TBC1D19: variants seen among roughly 807,000 people sequenced by gnomAD.
TBC1D19 encodes the protein TBC1 domain family member 19, also known as TBC1 domain family, member 19.
A neutral mutation model predicts 89.0 loss-of-function variants in TBC1D19; 60 were observed. That is an observed-to-expected ratio of 0.67 (90% confidence interval 0.55 to 0.84). TBC1D19 has a LOEUF of 0.84. Among genes scored for constraint, TBC1D19 ranks in the 40% least tolerant of loss-of-function variants. The pLI is 0.00. For missense variants in TBC1D19, 500 were observed against 610.8 expected (o/e 0.82, Z 1.91); for synonymous variants, 189 against 199.7 (o/e 0.95, Z 0.45).
At chr4:26,619,602 G>A (rs2110030424) in intron 3 of TBC1D19, among the ~76,000 whole-genome samples, 1 of 152,292 alleles carries the variant, frequency 6.6e-6, no homozygotes, top group Middle Eastern at 3.4e-3. Flanking sequence ...TTTTTAAACT[G>A]TCTTACATAT....
At chr4:26,611,543 A>AGT (rs1420869936) in intron 1 of TBC1D19, among the ~76,000 whole-genome samples, 1 of 152,116 alleles carries the variant, frequency 6.6e-6, no homozygotes, top group African/African-American at 2.4e-5. Context: ...ATAGCAGTAG[A>AGT]GTGTTCTTTC....
chr4:26,835,727 C>T, the TBC1D19 span, among the ~76,000 whole-genome samples: 53 of 152,236 alleles, frequency 3.5e-4, 1 homozygote, highest in Middle Eastern at 3.4e-3. Context: ...TATTCTTTGC[C>T]CTGAAGTCAA....
chr4:26,740,818 T>A (rs1718321329), intron 17 of TBC1D19: 5 of 985,326 alleles, frequency 5.1e-6, no homozygotes, highest in Non-Finnish European at 4.8e-6. Context: ...ATTAAATAGC[T>A]GTTCTTTATC....
chr4:26,797,036 A>G, the TBC1D19 span, among the ~76,000 whole-genome samples: 1 of 152,250 alleles, frequency 6.6e-6, no homozygotes, highest in Non-Finnish European at 1.5e-5. Flanking sequence ...TCATAGAGCA[A>G]TCAGGCAAGA....
intron 1 of TBC1D19, among the ~76,000 whole-genome samples, chr4:26,593,337 T>C (rs1220465334): frequency 6.6e-6 from 1 of 152,180 alleles, no homozygotes; most frequent in Non-Finnish European, 1.5e-5. Context: ...CTAAAATTAA[T>C]TCAAGATGGA....
chr4:26,783,060 ACAACT>A, the TBC1D19 span, among the ~76,000 whole-genome samples: 1 of 152,244 alleles, frequency 6.6e-6, no homozygotes, highest in Non-Finnish European at 1.5e-5. Flanking sequence ...ACAACAAAAG[ACAACT>A]CAAATCAGCT....
chr4:26,675,194 C>T (rs1036091557), intron 11 of TBC1D19, among the ~76,000 whole-genome samples: 3 of 152,038 alleles, frequency 2.0e-5, no homozygotes, highest in South Asian at 2.1e-4. Flanking sequence ...AGATGCACTG[C>T]CAACTTAACT....
intron 15 of TBC1D19, among the ~76,000 whole-genome samples, chr4:26,733,722 A>G (rs578223594): frequency 2.6e-4 from 39 of 152,342 alleles, no homozygotes; most frequent in African/African-American, 9.4e-4. Flanking sequence ...TGCATTAGAT[A>G]ACAGAATAGA....
intron 15 of TBC1D19, among the ~76,000 whole-genome samples, chr4:26,724,373 T>A (rs1444599910): frequency 6.6e-6 from 1 of 152,184 alleles, no homozygotes; most frequent in African/African-American, 2.4e-5. Context: ...AATGGAATAA[T>A]TTGAATATTA....
chr4:26,715,425 G>A (rs570017878), intron 13 of TBC1D19, among the ~76,000 whole-genome samples: 2 of 152,162 alleles, frequency 1.3e-5, no homozygotes, highest in South Asian at 4.1e-4. Flanking sequence ...TCACTGTATT[G>A]TAAGATGGGT....
In TBC1D19 at chr4:26,735,585, T is replaced by C. The variant is rs567009309; in HGVS notation, c.1117+98T>C. 5.2e-5 allele frequency: 59 copies of C among 1,128,816 alleles called. No homozygotes were observed. The African/African-American group carries it at 8.9e-4, about 17-fold the overall frequency. The allele number at this position is 1,128,816 out of a possible 1,614,324, so 69.9% of individuals were successfully genotyped here. On this transcript the variant is annotated intron_variant, in intron 16 of 20. Transcript: ENST00000264866. ...ACTGACAGATATAATTGTTTTACTA[T>C]AGTAAAACAATAAAGGAAAAAATAA...
upstream of TBC1D19, among the ~76,000 whole-genome samples, chr4:26,581,368 C>T (rs1047110754): frequency 6.6e-6 from 1 of 152,166 alleles, no homozygotes; most frequent in African/African-American, 2.4e-5. Context: ...AACGCTCTCC[C>T]TTCCCTTGCC....
the TBC1D19 span, among the ~76,000 whole-genome samples, chr4:26,800,341 T>G: frequency 6.6e-6 from 1 of 152,242 alleles, no homozygotes; most frequent in East Asian, 1.9e-4. Flanking sequence ...GAACTCATCA[T>G]TTTTTATGGC....
chr4:26,775,904 G>A, the TBC1D19 span, among the ~76,000 whole-genome samples: 1 of 152,188 alleles, frequency 6.6e-6, no homozygotes, highest in African/African-American at 2.4e-5. Context: ...AATGTGATAT[G>A]TTATGGGTTT....
At chr4:26,741,522 C>A (rs573186930) in intron 17 of TBC1D19, among the ~76,000 whole-genome samples, 5 of 152,242 alleles carry the variant, frequency 3.3e-5, no homozygotes, top group Admixed American at 1.3e-4. Flanking sequence ...GTGCAGAGCA[C>A]TGAAGCCTGG....
chr4:26,841,836 G>A, the TBC1D19 span, among the ~76,000 whole-genome samples: 1 of 152,178 alleles, frequency 6.6e-6, no homozygotes, highest in Non-Finnish European at 1.5e-5. Flanking sequence ...TATGAATGGT[G>A]TGATGTCAGT....
At chr4:26,612,458 T>G (rs973336015) in intron 1 of TBC1D19, among the ~76,000 whole-genome samples, 3 of 152,032 alleles carry the variant, frequency 2.0e-5, no homozygotes, top group African/African-American at 7.2e-5. Flanking sequence ...TTTTGATTTC[T>G]TAGGTTTGAA....
intron 12 of TBC1D19, among the ~76,000 whole-genome samples, chr4:26,687,287 C>A (rs1713895247): frequency 6.6e-6 from 1 of 152,144 alleles, no homozygotes; most frequent in Admixed American, 6.6e-5. Context: ...GGCATTTACC[C>A]ATCCTTTCTG....
intron 4 of TBC1D19, among the ~76,000 whole-genome samples, chr4:26,625,459 A>T (rs926587588): frequency 6.6e-6 from 1 of 152,176 alleles, no homozygotes; most frequent in Non-Finnish European, 1.5e-5. Context: ...GCATCTTAAC[A>T]TTAGTATGGT....
Sources: allele counts gnomAD v4.1 joint callset (sites outside exome capture counted in the v4.1 genomes callset), GRCh38; gene constraint gnomAD v4.1.1; transcripts MANE v1.5; gene names NCBI Gene and HGNC (gene_info 2026-07-23, HGNC 2026-07-21).